The following MICAL2 variants were observed in gnomAD, a reference collection of about 807,000 sequenced individuals.
The protein encoded by MICAL2 is microtubule associated monooxygenase, calponin and LIM domain containing 2, also known as [F-actin]-monooxygenase MICAL2.
A neutral mutation model predicts 127.3 loss-of-function variants in MICAL2; 77 were observed. That is an observed-to-expected ratio of 0.60 (90% CI 0.50 to 0.73). The LOEUF (loss-of-function observed/expected upper bound fraction) is 0.73. Among genes scored for constraint, MICAL2 ranks in the 30% least tolerant of loss-of-function variants. MICAL2 has a pLI of 0.00. For missense variants in MICAL2, 1,351 were observed against 1,434.4 expected, an observed-to-expected ratio of 0.94 and a Z score of 0.94; for synonymous variants, 570 against 551.1, an observed-to-expected ratio of 1.03 and a Z score of -0.48.
rs200129141 is a variant in MICAL2, at chr11:12,220,389, C to T, written c.1137C>T (p.Asn379=). The change falls in exon 9 of 28, where the codon AAC becomes AAT. Residue 379 remains asparagine, a synonymous_variant. Transcript: ENST00000683283. ...TTACCTGCATGTATGCCTCAGAGAA[C>T]GCGGCCCTGGTGCGGGAGCGGCAGG... The part of the protein sequence containing the change: ...FDFTCMYASE[N]AALVRERQAH... 1.7e-5 allele frequency: 27 copies of T among 1,614,106 alleles called. No individual in the cohort carries two copies. Among genetic ancestry groups the T allele is most frequent in the South Asian group, 9.9e-5 (9 of 91,082 alleles).
At chr11:12,263,852 G>A (rs553549427), downstream of MICAL2, 316 of 152,650 alleles carry the variant, frequency 2.1e-3, no homozygotes, top group Non-Finnish European at 2.8e-3. Flanking sequence ...ATTGGTGTAG[G>A]GGGTTCATTT....
downstream of MICAL2, chr11:12,292,364 C>T: frequency 6.5e-6 from 10 of 1,538,500 alleles, no homozygotes; most frequent in Non-Finnish European, 9.0e-6. Context: ...TCCCACCTTC[C>T]ACACTTATCT....
chr11:12,243,656 C>T (rs569352838), intron 20 of MICAL2, among the ~76,000 whole-genome samples: 2 of 152,230 alleles, frequency 1.3e-5, no homozygotes, highest in Non-Finnish European at 2.9e-5. Flanking sequence ...CTCCTAAGCT[C>T]GCAGCTGCTA....
rs769192356 is a variant in MICAL2 at position 12,239,499 on chromosome 11, G to A, written c.2128G>A (p.Gly710Arg). The A allele has an allele frequency of 4.3e-6, 7 of 1,614,232 alleles. No individual in the cohort carries two copies. In the East Asian group the frequency reaches 8.9e-5, roughly 21 times the overall value. The change falls in exon 17 of 28, where the codon GGA (glycine) becomes AGA (arginine). Residue 710 changes from glycine to arginine, a missense_variant. Gly to Arg is a moderately radical substitution (Grantham distance 125, BLOSUM62 -2). Transcript: ENST00000683283. ...NQECGSSKEG[G>R]NQNKVKSMAN... ...AGAGTGTGGGAGCAGTAAGGAAGGT[G>A]GAAATCAGAACAAAGTCAAGTCCAT...
At chr11:12,189,898 A>G (rs1858859621) in intron 3 of MICAL2, among the ~76,000 whole-genome samples, 2 of 152,252 alleles carry the variant, frequency 1.3e-5, no homozygotes, top group Non-Finnish European at 2.9e-5. Context: ...ATGCTCTGAT[A>G]GAGAAAACAT....
intron 15 of MICAL2, among the ~76,000 whole-genome samples, chr11:12,229,896 T>G (rs1857990721): frequency 1.3e-5 from 2 of 152,346 alleles, no homozygotes; most frequent in South Asian, 4.2e-4. Context: ...ATCTGTCCTC[T>G]CCCACAGCCT....
At chr11:12,259,695 C>T in intron 25 of MICAL2, 100 bp from the exon 26 acceptor site, 1 of 1,073,604 alleles carries the variant, frequency 9.3e-7, no homozygotes, top group Non-Finnish European at 1.3e-6. Context: ...GGGCTGGTTG[C>T]AGGGTCTGGC....
At chr11:12,185,189 A>ATGGG (rs1858058854) in intron 3 of MICAL2, among the ~76,000 whole-genome samples, 1 of 5,648 alleles carries the variant, frequency 1.8e-4, no homozygotes, top group Non-Finnish European at 3.4e-4. Flanking sequence ...GGATGGATGG[A>ATGGG]TGGGTGGGGG....
At chr11:12,324,404 G>A (rs1434446176) in intron 31 of MICAL2, among the ~76,000 whole-genome samples, 1 of 152,224 alleles carries the variant, frequency 6.6e-6, no homozygotes, top group African/African-American at 2.4e-5. Context: ...TTTGTCTTCT[G>A]TGAGGACACA....
chr11:12,349,926 G>C, exon 33 of MICAL2: 1 of 1,613,840 alleles, frequency 6.2e-7, no homozygotes, highest in Non-Finnish European at 8.5e-7. Context: ...ATGAGTCGGA[G>C]CTCCTAATCA....
At chr11:12,171,709 AAGG>A (rs1856274006) in intron 3 of MICAL2, among the ~76,000 whole-genome samples, 1 of 152,126 alleles carries the variant, frequency 6.6e-6, no homozygotes, top group African/African-American at 2.4e-5. Context: ...TTATGTTTTT[AAGG>A]AGAAGTGAGG....
rs368682852 is a variant in MICAL2 at position 12,242,657 on chromosome 11, C to A, written c.2557-14C>A. The stretch of plus-strand genomic sequence containing the variant: ...TATCTCTCTTTTCTTTCTCCTTTCT[C>A]ACCTTCACTGCAGAAGAGGGCTCAG... On this transcript the variant is annotated splice_polypyrimidine_tract_variant and intron_variant, in intron 19 of 27. Coordinates refer to ENST00000683283, the MANE Select transcript of MICAL2 (RefSeq NM_001282663.2). 65 of 1,603,436 alleles carry A rather than the reference C, an allele frequency of 4.1e-5. No homozygotes were observed. The highest frequency in any genetic ancestry group is 5.5e-5 in the Non-Finnish European group (65 of 1,171,846).
At chr11:12,277,014 C>T (rs1451917075) in intron 1 of MICAL2, among the ~76,000 whole-genome samples, 1 of 152,130 alleles carries the variant, frequency 6.6e-6, no homozygotes, top group African/African-American at 2.4e-5. Flanking sequence ...AGCCCCAAAG[C>T]GAGTGACTTA....
intron 3 of MICAL2, among the ~76,000 whole-genome samples, chr11:12,196,461 A>G (rs1859940112): frequency 6.6e-6 from 1 of 152,154 alleles, no homozygotes; most frequent in Non-Finnish European, 1.5e-5. Flanking sequence ...ATGGAAGTAG[A>G]TGGTGTCAGG....
intron 3 of MICAL2, among the ~76,000 whole-genome samples, chr11:12,175,878 G>T (rs1410407400): frequency 6.6e-6 from 1 of 152,082 alleles, no homozygotes; most frequent in African/African-American, 2.4e-5. Context: ...GCAGGCTGGG[G>T]GTGGTAAGAG....
At chr11:12,333,714 C>T (rs1244322454) in intron 32 of MICAL2, among the ~76,000 whole-genome samples, 6 of 152,048 alleles carry the variant, frequency 3.9e-5, no homozygotes, top group Non-Finnish European at 8.8e-5. Context: ...AAATTAATTG[C>T]ATTTCAATAT....
chr11:12,158,296 T>G (rs1262316386), intron 2 of MICAL2, among the ~76,000 whole-genome samples: 1 of 152,198 alleles, frequency 6.6e-6, no homozygotes, highest in African/African-American at 2.4e-5. Context: ...AAAGCTAGTC[T>G]CAGTAGTCTT....
chr11:12,347,380 A>G (rs1017653142), intron 32 of MICAL2, among the ~76,000 whole-genome samples: 4 of 152,174 alleles, frequency 2.6e-5, no homozygotes, highest in African/African-American at 9.7e-5. Flanking sequence ...TTTGGTAGGC[A>G]CAATGCCTCA....
downstream of MICAL2, chr11:12,294,404 C>G: frequency 1.2e-6 from 2 of 1,614,202 alleles, no homozygotes; most frequent in South Asian, 1.1e-5. Flanking sequence ...AGACGGGGAC[C>G]AGCATTCCCC....
Sources: gnomAD v4.1 joint callset for allele counts (sites outside exome capture counted in the v4.1 genomes callset) on GRCh38, gnomAD v4.1.1 for gene constraint, MANE v1.5 for transcripts, NCBI Gene and HGNC (gene_info 2026-07-23, HGNC 2026-07-21) for gene names.